Variants in CLEC16A observed in about 807,000 individuals in gnomAD.
The protein encoded by CLEC16A is C-type lectin domain containing 16A, also known as protein CLEC16A.
CLEC16A carries 51 observed loss-of-function variants against 109.5 expected under a neutral mutation model. The ratio of observed to expected loss-of-function variants is 0.47; its 90% confidence interval spans 0.37 to 0.59. The LOEUF (loss-of-function observed/expected upper bound fraction) is 0.59, where lower values mean the gene tolerates loss of function less well. Among genes scored for constraint, CLEC16A ranks in the 20% least tolerant of loss-of-function variants. The probability of loss-of-function intolerance (pLI) is 0.00; values close to 1 mark genes in which losing one functional copy is unlikely to be tolerated. For synonymous variants in CLEC16A, 673 were observed against 564.2 expected (o/e 1.19, Z -2.73); for missense variants, 1,339 against 1,394.0 (o/e 0.96, Z 0.63).
At chr16:11,075,394 G>GTGTGTGTGTC (rs1567282244) in intron 19 of CLEC16A, among the ~76,000 whole-genome samples, 26 of 132,166 alleles carry the variant, frequency 2.0e-4, no homozygotes, top group South Asian at 5.0e-4. Flanking sequence ...GTGTGTGTGT[G>GTGTGTGTGTC]TGTGTGTGTG....
intron 15 of CLEC16A, among the ~76,000 whole-genome samples, chr16:11,042,859 CATATT>C (rs1031097735): frequency 1.5e-4 from 23 of 150,052 alleles, no homozygotes; most frequent in Admixed American, 1.4e-3. Flanking sequence ...CACACACACA[CATATT>C]ATATATGTAA....
At chr16:11,047,164 T>C in intron 16 of CLEC16A, 128 bp from the exon 17 acceptor site, 1 of 543,004 alleles carries the variant, frequency 1.8e-6, no homozygotes, top group Non-Finnish European at 3.1e-6. Flanking sequence ...TACTTCCTGG[T>C]GATTTACGAG....
intron 10 of CLEC16A, among the ~76,000 whole-genome samples, chr16:10,996,756 G>T (rs1043798806): frequency 6.6e-6 from 1 of 151,668 alleles, no homozygotes; most frequent in Non-Finnish European, 1.5e-5. Flanking sequence ...GGCTCTGAGA[G>T]GGGTGGACTG....
At chr16:11,138,375 G>A (rs900276369) in intron 22 of CLEC16A, among the ~76,000 whole-genome samples, 10 of 152,226 alleles carry the variant, frequency 6.6e-5, no homozygotes, top group African/African-American at 1.7e-4. Flanking sequence ...ATAGCAAAGC[G>A]CTTTGTGAGC....
intron 22 of CLEC16A, among the ~76,000 whole-genome samples, chr16:11,144,556 G>C (rs1342382041): frequency 6.6e-6 from 1 of 152,196 alleles, no homozygotes; most frequent in Non-Finnish European, 1.5e-5. Context: ...GGTTCTTTTG[G>C]AAGTACGGAG....
chr16:10,957,607 C>A (rs185934885), intron 1 of CLEC16A, among the ~76,000 whole-genome samples, 175 bp from the exon 2 acceptor site: 2 of 152,212 alleles, frequency 1.3e-5, no homozygotes, highest in Non-Finnish European at 2.9e-5. Flanking sequence ...CCCTTCAAAG[C>A]ATTGTCTGCT....
intron 11 of CLEC16A, among the ~76,000 whole-genome samples, chr16:11,019,606 G>T (rs3862471): frequency 0.47 from 71,126 of 151,866 alleles, 17,439 homozygotes; most frequent in African/African-American, 0.62. Flanking sequence ...CTGTCTCTAC[G>T]AAAAATACAA....
intron 19 of CLEC16A, among the ~76,000 whole-genome samples, chr16:11,068,446 C>T (rs1281838047): frequency 6.6e-6 from 1 of 152,246 alleles, no homozygotes; most frequent in Non-Finnish European, 1.5e-5. Flanking sequence ...CCACAGGCAG[C>T]AGTCAGTTGC....
chr16:11,175,609 C>T (rs1409756334), intron 23 of CLEC16A, among the ~76,000 whole-genome samples: 1 of 152,230 alleles, frequency 6.6e-6, no homozygotes, highest in Non-Finnish European at 1.5e-5. Flanking sequence ...TCTTAAACAA[C>T]AACAAGGCCA....
chr16:11,152,671 T>C (rs992126426), intron 22 of CLEC16A, among the ~76,000 whole-genome samples: 1 of 152,230 alleles, frequency 6.6e-6, no homozygotes, highest in Non-Finnish European at 1.5e-5. Flanking sequence ...CACAGCATCC[T>C]GAGCATTGTT....
intron 22 of CLEC16A, among the ~76,000 whole-genome samples, chr16:11,133,847 C>T (rs1406008308): frequency 3.3e-5 from 5 of 152,298 alleles, no homozygotes; most frequent in South Asian, 2.1e-4. Flanking sequence ...TTCTCCAGCC[C>T]GGTCTTAACC....
intron 19 of CLEC16A, among the ~76,000 whole-genome samples, chr16:11,106,568 C>T (rs530868609): frequency 6.6e-6 from 1 of 151,624 alleles, no homozygotes; most frequent in East Asian, 1.9e-4. Flanking sequence ...GTGCTGTAGC[C>T]TCAAACTCCT....
chr16:11,163,594 G>A (rs2054800449), intron 22 of CLEC16A, among the ~76,000 whole-genome samples: 1 of 152,234 alleles, frequency 6.6e-6, no homozygotes, highest in African/African-American at 2.4e-5. Context: ...CCTGACTGCA[G>A]TGCCAGCTTC....
intron 10 of CLEC16A, among the ~76,000 whole-genome samples, chr16:10,986,445 TCATTTATCTTG>T (rs976695480): frequency 6.6e-5 from 10 of 152,314 alleles, no homozygotes; most frequent in African/African-American, 2.4e-4. Flanking sequence ...TTTCTAGATC[TCATTTATCTTG>T]CATACTGAAA....
rs1261369010 is a variant in CLEC16A, at chr16:11,165,603, A to G, written c.2642-785A>G. Reference sequence around the variant, plus strand: ...TATTCCCACAACAGTGGGAGTATGTAGTGATACTCCAGGTTGTGGCTGGGA... The same window carrying G: ...TATTCCCACAACAGTGGGAGTATGTGGTGATACTCCAGGTTGTGGCTGGGA... On this transcript the variant is annotated intron_variant, in intron 22 of 23. Transcript: ENST00000409790. 3.3e-5 allele frequency among the ~76,000 whole-genome samples: 5 copies of G among 152,314 alleles called. No homozygotes were observed. In the East Asian group the frequency reaches 5.8e-4, roughly 18 times the overall value.
intron 15 of CLEC16A, 81 bp downstream of exon 15, chr16:11,042,444 T>C: frequency 8.8e-7 from 1 of 1,137,854 alleles, no homozygotes; most frequent in Non-Finnish European, 1.3e-6. Flanking sequence ...GGCATCCAGA[T>C]AGGAGCCCTG....
chr16:11,055,950 T>C (rs2048191438), intron 18 of CLEC16A, among the ~76,000 whole-genome samples: 1 of 152,164 alleles, frequency 6.6e-6, no homozygotes, highest in South Asian at 2.1e-4. Context: ...GTTGAACATA[T>C]TCTAGGTGTC....
chr16:11,121,810 G>A (rs1042832298), intron 20 of CLEC16A, among the ~76,000 whole-genome samples: 1 of 145,146 alleles, frequency 6.9e-6, no homozygotes, highest in Non-Finnish European at 1.5e-5. Flanking sequence ...AACCCAGGAG[G>A]CAGAGGATGC....
intron 19 of CLEC16A, among the ~76,000 whole-genome samples, chr16:11,114,419 G>A (rs78862109): frequency 6.6e-6 from 1 of 152,208 alleles, no homozygotes; most frequent in South Asian, 2.1e-4. Context: ...CATGTCACCT[G>A]TCAGCTGCAC....
Sources: allele counts gnomAD v4.1 joint callset (sites outside exome capture counted in the v4.1 genomes callset), GRCh38; gene constraint gnomAD v4.1.1; transcripts MANE v1.5; gene names NCBI Gene and HGNC (gene_info 2026-07-23, HGNC 2026-07-21).